The following BDP1 variants were observed in gnomAD, a reference collection of about 807,000 sequenced individuals.
BDP1 encodes the protein BDP1 general transcription factor IIIB subunit, also known as transcription factor TFIIIB component B'' homolog.
Under a neutral mutation model 266.6 loss-of-function variants are expected in BDP1, and 169 were observed. The observed-to-expected ratio is 0.63, with a 90% confidence interval of 0.56 to 0.72. BDP1 has a LOEUF of 0.72. BDP1 is among the 30% of genes least tolerant of loss of function. BDP1 has a pLI of 0.00. For missense variants in BDP1, 3,015 were observed against 3,053.8 expected (o/e 0.99, Z 0.30); for synonymous variants, 1,090 against 1,022.4 (o/e 1.07, Z -1.26).
intron 21 of BDP1, 151 bp downstream of exon 21, chr5:71,516,422 A>G (rs1171499642): frequency 2.0e-6 from 1 of 509,018 alleles, no homozygotes; most frequent in Non-Finnish European, 3.4e-6. Context: ...GCTCTTCTGG[A>G]TTTTTTTTTT....
the BDP1 span, among the ~76,000 whole-genome samples, chr5:71,578,122 G>T: frequency 6.6e-6 from 1 of 152,134 alleles, no homozygotes; most frequent in Admixed American, 6.5e-5. Flanking sequence ...AGAGCCTATT[G>T]TTCGAGGAAT....
At chr5:71,488,938 C>T (rs1580053549) in intron 9 of BDP1, among the ~76,000 whole-genome samples, 4 of 151,792 alleles carry the variant, frequency 2.6e-5, no homozygotes, top group South Asian at 4.2e-4. Flanking sequence ...GAACTGCTGA[C>T]CTCAGATGAT....
intron 13 of BDP1, among the ~76,000 whole-genome samples, chr5:71,499,344 C>T (rs1215133516): frequency 2.0e-5 from 3 of 152,136 alleles, no homozygotes; most frequent in South Asian, 2.1e-4. Context: ...CAGCTGACCA[C>T]GGTGGCACAC....
At chr5:71,491,700 T>G (rs1763607350) in intron 11 of BDP1, among the ~76,000 whole-genome samples, 1 of 151,852 alleles carries the variant, frequency 6.6e-6, no homozygotes, top group Non-Finnish European at 1.5e-5. Flanking sequence ...GCAATCATGA[T>G]TCTTTCTTTG....
In BDP1 at chr5:71,510,768, G is replaced by T; in HGVS notation, c.3676G>T (p.Asp1226Tyr). ...EVKPVGKMETDLKEIREEISQ... is the reference protein window; with the variant it reads ...EVKPVGKMETYLKEIREEISQ... ...CAAGCCTGTAGGTAAAATGGAGACA[G>T]ATTTGAAAGAAATTAGAGAAGAAAT... The change falls in exon 17 of 39, where the codon GAT (aspartate) becomes TAT (tyrosine). Residue 1226 changes from aspartate (D) to tyrosine (Y), a missense_variant. Asp to Tyr is a radical substitution (Grantham distance 160). Coordinates refer to ENST00000358731, the MANE Select transcript of BDP1 (RefSeq NM_018429.3). The T allele has an allele frequency of 6.2e-7, 1 of 1,614,116 alleles. No homozygotes were observed.
chr5:71,576,845 G>C, the BDP1 span, among the ~76,000 whole-genome samples: 3 of 152,112 alleles, frequency 2.0e-5, no homozygotes, highest in African/African-American at 7.2e-5. Flanking sequence ...AGGGAGGAAA[G>C]GACCAATTCA....
chr5:71,461,786 T>G, intron 2 of BDP1, 31 bp from the exon 3 acceptor site: 1 of 1,236,960 alleles, frequency 8.1e-7, no homozygotes, highest in Non-Finnish European at 1.2e-6. Context: ...TTAATATTTA[T>G]AAAAGTGGAT....
At chr5:71,484,234 A>G (rs1763125067) in intron 8 of BDP1, among the ~76,000 whole-genome samples, 1 of 152,162 alleles carries the variant, frequency 6.6e-6, no homozygotes. Context: ...AGTTATATAG[A>G]TGGTTCTTTC....
chr5:71,519,742 G>A (rs1420330087), intron 22 of BDP1, among the ~76,000 whole-genome samples: 1 of 152,114 alleles, frequency 6.6e-6, no homozygotes, highest in African/African-American at 2.4e-5. Flanking sequence ...GATATTATGT[G>A]TTGGCTATTG....
intron 15 of BDP1, among the ~76,000 whole-genome samples, chr5:71,503,698 G>A (rs1213446224): frequency 2.0e-5 from 3 of 152,176 alleles, no homozygotes; most frequent in African/African-American, 7.2e-5. Flanking sequence ...CAGGCATGGT[G>A]ACTCATGCCT....
In BDP1 at chr5:71,462,003, C is replaced by A. The variant is rs1487440598; in HGVS notation, c.599+77C>A. Reference sequence around the variant, plus strand: ...TTGGAGGTGGAGTCTCGCTCTGTCACCCGGGCTGGAGTGCAGTGGTGCAAT... The same window carrying A: ...TTGGAGGTGGAGTCTCGCTCTGTCAACCGGGCTGGAGTGCAGTGGTGCAAT... On this transcript the variant is annotated intron_variant, in intron 3 of 38. Coordinates refer to ENST00000358731, the MANE Select transcript of BDP1 (RefSeq NM_018429.3). 3 of 826,306 alleles carry A rather than the reference C, an allele frequency of 3.6e-6. No homozygotes were observed. In the South Asian group the frequency reaches 4.4e-5, roughly 12 times the overall value. The allele number at this position is 826,306 out of a possible 1,614,324, so 51.2% of individuals were successfully genotyped here.
In BDP1 at chr5:71,455,694, A is replaced by G; in HGVS notation, c.-184A>G. 1 of 608,866 alleles carries G rather than the reference A, an allele frequency of 1.6e-6. No individual in the cohort carries two copies. Among genetic ancestry groups the G allele is most frequent in the Non-Finnish European group, 2.9e-6 (1 of 344,338 alleles). The allele number at this position is 608,866 out of a possible 1,614,324, so 37.7% of individuals were successfully genotyped here. On this transcript the variant is annotated 5_prime_UTR_variant, in exon 1 of 39. Coordinates refer to ENST00000358731, the MANE Select transcript of BDP1 (RefSeq NM_018429.3). Reference sequence around the variant, plus strand: ...TCGGTGTGTGGCAGGGTCATGAAAAAGCGGCGGCGGCGGGAGAGAGGAGGA... The same window carrying G: ...TCGGTGTGTGGCAGGGTCATGAAAAGGCGGCGGCGGCGGGAGAGAGGAGGA...
intron 1 of BDP1, among the ~76,000 whole-genome samples, chr5:71,456,991 A>G (rs1414932021): frequency 2.6e-5 from 4 of 152,164 alleles, no homozygotes; most frequent in Non-Finnish European, 5.9e-5. Flanking sequence ...ACTGGTGCTG[A>G]GTGTATGGTG....
At position 71,510,071 on chromosome 5, in the gene BDP1, C is replaced by A. The variant is rs1024266088; in HGVS notation, c.2979C>A (p.Ser993=). 7.5e-6 allele frequency: 12 copies of A among 1,609,806 alleles called. No homozygotes were observed. Among genetic ancestry groups the A allele is most frequent in the Non-Finnish European group, 1.0e-5 (12 of 1,179,242 alleles). Residue 993 remains serine (S), a synonymous_variant, in exon 17 of 39, where the codon TCC becomes TCA. Transcript: ENST00000358731. ...AAGAAACTGGAAGAAGAAAAATATC[C>A]CCAAGGGAAAATGGCCCAGAGGAGG... ...NLEETGRRKI[S]PRENGPEEVK...
intron 25 of BDP1, among the ~76,000 whole-genome samples, chr5:71,525,754 C>G (rs879406591): frequency 6.6e-6 from 1 of 151,842 alleles, no homozygotes; most frequent in South Asian, 2.1e-4. Context: ...ACCTCCCTCC[C>G]GGACGGGGTG....
chr5:71,551,563 T>C (rs1244045378), intron 34 of BDP1, among the ~76,000 whole-genome samples: 1 of 152,032 alleles, frequency 6.6e-6, no homozygotes, highest in African/African-American at 2.4e-5. Context: ...TCCTCACCTT[T>C]CCCCCTTTCT....
rs1278396144 is a variant in BDP1 at position 71,567,752 on chromosome 5, A to C, written c.*2867A>C. On this transcript the variant is annotated 3_prime_UTR_variant, in exon 39 of 39. Transcript: ENST00000358731. ...AAAAGCAATATCATGTCATTTATAA[A>C]TTTTCTTGTTCTAAAGAAAGCAGTT... 6.6e-6 allele frequency: 1 copy of C among 152,526 alleles called. No individual in the cohort carries two copies. The highest frequency in any genetic ancestry group is 1.5e-5 in the Non-Finnish European group (1 of 68,016). The allele number at this position is 152,526 out of a possible 1,614,324, so 9.4% of individuals were successfully genotyped here. A position where few individuals can be genotyped will look rare whatever the true frequency, so the allele number is the denominator to read the frequency against.
At chr5:71,545,840 T>TAA (rs35888714) in intron 32 of BDP1, among the ~76,000 whole-genome samples, 55 of 142,862 alleles carry the variant, frequency 3.8e-4, no homozygotes, top group Middle Eastern at 3.5e-3. Context: ...TTAATGCCAT[T>TAA]AAAAAAAAAA....
intron 29 of BDP1, 98 bp downstream of exon 29, chr5:71,541,780 A>G (rs1473552763): frequency 1.3e-6 from 1 of 757,088 alleles, no homozygotes; most frequent in East Asian, 2.9e-5. Context: ...GGCAATGCTA[A>G]TTTCTTACCC....
Sources: gnomAD v4.1 joint callset for allele counts (sites outside exome capture counted in the v4.1 genomes callset) on GRCh38, gnomAD v4.1.1 for gene constraint, MANE v1.5 for transcripts, NCBI Gene and HGNC (gene_info 2026-07-23, HGNC 2026-07-21) for gene names.